GLIS1: variants seen among roughly 807,000 people sequenced by gnomAD.
GLIS1 encodes the protein GLIS family zinc finger 1.
In GLIS1, 24 loss-of-function variants were observed where a neutral mutation model predicts 63.8. The ratio of observed to expected loss-of-function variants is 0.38; its 90% CI spans 0.27 to 0.53. The LOEUF is 0.53. GLIS1 is among the 20% of genes least tolerant of loss of function. GLIS1 has a pLI of 0.85. For synonymous variants in GLIS1, 450 were observed against 482.5 expected (o/e 0.93, Z 0.88); for missense variants, 1,036 against 1,074.1 (o/e 0.96, Z 0.50).
chr1:53,522,986 C>CTTTTTCTTTTTCTTTTTTTTTTT (rs760283252), intron 6 of GLIS1, among the ~76,000 whole-genome samples: 1 of 43,690 alleles, frequency 2.3e-5, no homozygotes. Context: ...TCTTTTCTTT[C>CTTTTTCTTTTTCTTTTTTTTTTT]TTTTTTTTTT....
intron 2 of GLIS1, among the ~76,000 whole-genome samples, chr1:53,677,844 C>T (rs574450126): frequency 6.6e-6 from 1 of 152,350 alleles, no homozygotes; most frequent in East Asian, 1.9e-4. Context: ...AAGGGAGGAG[C>T]ACAGTCTCTG....
At chr1:53,644,007 G>A (rs1645815855) in intron 2 of GLIS1, among the ~76,000 whole-genome samples, 1 of 152,208 alleles carries the variant, frequency 6.6e-6, no homozygotes, top group African/African-American at 2.4e-5. Context: ...CCCTGATAAA[G>A]AATGTTCCAG....
chr1:53,723,795 G>T (rs189006263), intron 2 of GLIS1, among the ~76,000 whole-genome samples: 2 of 152,114 alleles, frequency 1.3e-5, no homozygotes, highest in Non-Finnish European at 2.9e-5. Flanking sequence ...ACCTTTAAAG[G>T]GTCAGCCACT....
rs918194118 is a variant in GLIS1, at chr1:53,539,565, A to G, written c.1321-9613T>C. Among the ~76,000 whole-genome samples the G allele has an allele frequency of 1.3e-4, 20 of 149,754 alleles. No individual in the cohort carries two copies. The highest frequency in any genetic ancestry group is 4.9e-4 in the African/African-American group (20 of 40,482). Reference sequence around the variant, plus strand: ...GTATACACCCCCCCACACACACTACACATCATACACATAAACTGTGTTTAC... The same window carrying G: ...GTATACACCCCCCCACACACACTACGCATCATACACATAAACTGTGTTTAC... On this transcript the variant is annotated intron_variant, in intron 4 of 10. Coordinates refer to ENST00000628545, the MANE Select transcript of GLIS1 (RefSeq NM_001367484.1). The surrounding 1 kb of genome is among the most constrained non-coding windows in gnomAD (Gnocchi z 5.0).
At chr1:53,722,565 G>A (rs923315143) in intron 2 of GLIS1, among the ~76,000 whole-genome samples, 1 of 152,152 alleles carries the variant, frequency 6.6e-6, no homozygotes, top group Non-Finnish European at 1.5e-5. Context: ...TGCAGGCCAG[G>A]TGTGGTGACT....
At chr1:53,721,011 T>C (rs1386057210) in intron 2 of GLIS1, among the ~76,000 whole-genome samples, 2 of 152,008 alleles carry the variant, frequency 1.3e-5, no homozygotes, top group African/African-American at 4.8e-5. Context: ...AAAAAAAAGT[T>C]TCTGGCACAC....
intron 2 of GLIS1, among the ~76,000 whole-genome samples, chr1:53,698,671 G>A (rs577717512): frequency 6.6e-6 from 1 of 152,338 alleles, no homozygotes; most frequent in Admixed American, 6.5e-5. Context: ...TGCCAGAAGA[G>A]AGCCACTTCC....
chr1:53,716,818 A>T (rs1006380354), intron 2 of GLIS1, among the ~76,000 whole-genome samples: 39 of 150,666 alleles, frequency 2.6e-4, no homozygotes, highest in Admixed American at 5.5e-4. Flanking sequence ...AATTATATTT[A>T]AAAAAAAGTC....
chr1:53,679,342 A>G (rs1646250388), intron 2 of GLIS1, among the ~76,000 whole-genome samples: 1 of 152,228 alleles, frequency 6.6e-6, no homozygotes, highest in African/African-American at 2.4e-5. Flanking sequence ...AGAAGATTGT[A>G]TTGTTGAATT....
intron 2 of GLIS1, among the ~76,000 whole-genome samples, chr1:53,630,041 T>C (rs943066753): frequency 1.3e-5 from 2 of 152,366 alleles, no homozygotes; most frequent in South Asian, 4.1e-4. Context: ...ATTTTTTCAC[T>C]ACAACTTTCT....
rs553811705 is a variant in GLIS1 at position 53,721,767 on chromosome 1, C to T, written c.259+16039G>A. ...ATAGTAATAATAACAAACGATGGGA[C>T]GTGGTGAACGACAAAAAGAAAGCAA... is the stretch of plus-strand genomic sequence containing the variant. On this transcript the variant is annotated intron_variant, in intron 2 of 10. Transcript: ENST00000628545. 2.1e-3 allele frequency among the ~76,000 whole-genome samples: 318 copies of T among 151,954 alleles called. 1 individual carries two copies. The highest frequency in any genetic ancestry group is 6.4e-3 in the African/African-American group (263 of 41,412).
chr1:53,588,114 A>C (rs1645154075), intron 4 of GLIS1, among the ~76,000 whole-genome samples: 1 of 152,166 alleles, frequency 6.6e-6, no homozygotes, highest in Non-Finnish European at 1.5e-5. Context: ...AAATCGCCCA[A>C]CAAGCGTCTC....
At chr1:53,656,149 G>T (rs75759794) in intron 2 of GLIS1, among the ~76,000 whole-genome samples, 2,979 of 152,270 alleles carry the variant, frequency 0.02, 119 homozygotes, top group African/African-American at 0.068. Context: ...GAAGCACGGG[G>T]CAAAGGCTCA....
chr1:53,738,036 G>T lies in GLIS1; in HGVS notation c.29C>A (p.Ser10Ter), dbSNP rs1330711035. 2.4e-6 allele frequency: 3 copies of T among 1,230,616 alleles called. No homozygotes were observed. Among genetic ancestry groups the T allele is most frequent in the Non-Finnish European group, 3.0e-6 (3 of 987,292 alleles). 76.2% of individuals were successfully genotyped at this position (1,230,616 alleles called of 1,614,324 possible). The change falls in exon 2 of 11, where the codon TCG becomes TAG. Residue 10 changes from serine (S) to a stop codon, truncating the protein, a stop_gained. Coordinates refer to ENST00000628545, the MANE Select transcript of GLIS1 (RefSeq NM_001367484.1). LOFTEE classifies it high-confidence loss of function. ...AGGGGCCTCCTTAGGCCTCTTGTCC[G>T]AGTGTGCCTCAGCCACCTCGCAATG... MHCEVAEAH[S>*]DKRPKEAPGA...
At chr1:53,632,443 T>C (rs1645666065) in intron 2 of GLIS1, among the ~76,000 whole-genome samples, 1 of 136,276 alleles carries the variant, frequency 7.3e-6, no homozygotes, top group Non-Finnish European at 1.6e-5. Context: ...CTGAGGGGTG[T>C]AATGAGTGTG....
chr1:53,643,512 A>C (rs1047813958), intron 2 of GLIS1, among the ~76,000 whole-genome samples: 2 of 152,192 alleles, frequency 1.3e-5, no homozygotes, highest in African/African-American at 4.8e-5. Context: ...TCTGGGCCTC[A>C]GTCTCCCCAC....
intron 2 of GLIS1, among the ~76,000 whole-genome samples, chr1:53,632,185 GTGAC>G (rs763921372): frequency 9.4e-4 from 138 of 147,530 alleles, no homozygotes; most frequent in Non-Finnish European, 1.4e-3. Flanking sequence ...ATGTGAATGA[GTGAC>G]TGAGGGGGCA....
chr1:53,689,999 G>A (rs1481797259), intron 2 of GLIS1, among the ~76,000 whole-genome samples: 19 of 152,196 alleles, frequency 1.2e-4, no homozygotes, highest in Admixed American at 1.2e-3. Context: ...CTTCCCAAAT[G>A]AAGCTCTCTC....
intron 2 of GLIS1, among the ~76,000 whole-genome samples, chr1:53,668,874 G>T (rs1417632289): frequency 6.6e-6 from 1 of 152,156 alleles, no homozygotes. Context: ...GGCAATGCAT[G>T]ACTCTGTATG....
Sources: gnomAD v4.1 joint callset for allele counts (sites outside exome capture counted in the v4.1 genomes callset) on GRCh38, gnomAD v4.1.1 for gene constraint, Gnocchi (gnomAD v3.1) non-coding constraint, MANE v1.5 for transcripts, NCBI Gene and HGNC (gene_info 2026-07-23, HGNC 2026-07-21) for gene names.